Variants in GLTPD2 observed in about 807,000 individuals in gnomAD.
GLTPD2 encodes glycolipid transfer protein domain-containing protein 2.
GLTPD2 carries 12 observed loss-of-function variants against 12.9 expected under a neutral mutation model. The ratio of observed to expected loss-of-function variants is 0.93; its 90% CI spans 0.59 to 1.50. GLTPD2 has a LOEUF of 1.50. Ranked by LOEUF, GLTPD2 falls within the 40% of genes most tolerant of loss-of-function variation. The pLI, the probability that GLTPD2 is intolerant of heterozygous loss-of-function variation, is 0.00. For synonymous variants in GLTPD2, 199 were observed against 205.6 expected, an observed-to-expected ratio of 0.97 and a Z score of 0.27; for missense variants, 450 against 426.2, an observed-to-expected ratio of 1.06 and a Z score of -0.49.
rs779804917 is a variant in GLTPD2, at chr17:4,790,199, C to A, written c.779C>A (p.Ala260Glu). 6.8e-7 allele frequency: 1 copy of A among 1,479,746 alleles called. No individual in the cohort carries two copies. The highest frequency in any genetic ancestry group is 1.3e-5 in the South Asian group (1 of 78,254). 91.7% of individuals were successfully genotyped at this position (1,479,746 alleles called of 1,614,324 possible). A position where few individuals can be genotyped will look rare whatever the true frequency, so the allele number is the denominator to read the frequency against. Residue 260 changes from alanine to glutamate, a missense_variant, in exon 4 of 4, where the codon GCG (alanine) becomes GAG (glutamate). By Grantham distance (107) the Ala-to-Glu change is moderately radical. Transcript: ENST00000331264. ...LACPGATEAEARAALVRAAGT... is the reference protein window; with the variant it reads ...LACPGATEAEERAALVRAAGT... ...TGTCCCGGAGCCACCGAGGCGGAGG[C>A]GCGGGCCGCGCTGGTCCGGGCCGCC...
rs1482839194 is a variant in GLTPD2 at position 4,790,314 on chromosome 17, C to A, written c.*18C>A. 4 of 1,447,594 alleles carry A rather than the reference C, an allele frequency of 2.8e-6. No homozygotes were observed. Among genetic ancestry groups the A allele is most frequent in the Non-Finnish European group, 3.6e-6 (4 of 1,108,344 alleles). The allele number at this position is 1,447,594 out of a possible 1,614,324, so 89.7% of individuals were successfully genotyped here. On this transcript the variant is annotated 3_prime_UTR_variant, in exon 4 of 4. Transcript: ENST00000331264. ...TGGCCTAAGACGGCGGCTGCGGGGA[C>A]CGGCGGGAACGGAGCGGACCGCCCG...
chr17:4,790,211 T>A lies in GLTPD2; in HGVS notation c.791T>A (p.Leu264Gln). 1.3e-6 allele frequency: 2 copies of A among 1,482,868 alleles called. No homozygotes were observed. The highest frequency in any genetic ancestry group is 1.3e-5 in the South Asian group (1 of 78,710). 91.9% of individuals were successfully genotyped at this position (1,482,868 alleles called of 1,614,324 possible). A position where few individuals can be genotyped will look rare whatever the true frequency, so the allele number is the denominator to read the frequency against. Residue 264 changes from leucine to glutamine, a missense_variant, in exon 4 of 4, where the codon CTG becomes CAG. Leu to Gln is a moderately radical substitution (Grantham distance 113). Coordinates refer to ENST00000331264, the MANE Select transcript of GLTPD2 (RefSeq NM_001014985.3). Reference sequence around the variant, plus strand: ...ACCGAGGCGGAGGCGCGGGCCGCGCTGGTCCGGGCCGCCGGCACCTTGGAG... The same window carrying A: ...ACCGAGGCGGAGGCGCGGGCCGCGCAGGTCCGGGCCGCCGGCACCTTGGAG... Reference protein sequence around the residue: ...GATEAEARAALVRAAGTLEDV... With the variant: ...GATEAEARAAQVRAAGTLEDV...
Position 4,790,328 on chromosome 17 carries a change from GCGGA to G in GLTPD2, c.*34_*37del. 2 of 1,424,386 alleles carry G rather than the reference GCGGA, an allele frequency of 1.4e-6. No individual in the cohort carries two copies. The highest frequency in any genetic ancestry group is 1.8e-6 in the Non-Finnish European group (2 of 1,097,478). 88.2% of individuals were successfully genotyped at this position (1,424,386 alleles called of 1,614,324 possible). A position where few individuals can be genotyped will look rare whatever the true frequency, so the allele number is the denominator to read the frequency against. The stretch of plus-strand genomic sequence containing the variant: ...GGCTGCGGGGACCGGCGGGAACGGA[GCGGA>G]CCGCCCGGGGTGGGGCCGCGCAGCC... On this transcript the variant is annotated 3_prime_UTR_variant, in exon 4 of 4. Transcript: ENST00000331264.
rs777488983 is a variant in GLTPD2 at position 4,789,082 on chromosome 17, C to T, written c.71C>T (p.Ala24Val). ...FSHSIPLAIF[A>V]LLLLYLSVRS... ...CACTCAATTCCTCTCGCTATCTTCG[C>T]GCTGCTGCTGCTTTATCTCAGTGTT... The change falls in exon 1 of 4, where the codon GCG becomes GTG. Residue 24 changes from alanine (A) to valine (V), a missense_variant. Ala to Val is a moderately conservative substitution (Grantham distance 64). Transcript: ENST00000331264. 3 of 1,613,896 alleles carry T rather than the reference C, an allele frequency of 1.9e-6. No individual in the cohort carries two copies. The highest frequency in any genetic ancestry group is 1.7e-5 in the Admixed American group (1 of 60,002).
chr17:4,789,424 A>G, intron 2 of GLTPD2, 87 bp from the exon 3 acceptor site: 3 of 1,526,898 alleles, frequency 2.0e-6, no homozygotes, highest in South Asian at 1.2e-5. Flanking sequence ...CTGAGCGCAC[A>G]GCAGAAGAGC....
Position 4,789,814 on chromosome 17 carries a change from A to G in GLTPD2, c.394A>G (p.Lys132Glu). 6.2e-7 allele frequency: 1 copy of G among 1,611,762 alleles called. No individual in the cohort carries two copies. Among genetic ancestry groups the G allele is most frequent in the Admixed American group, 1.7e-5 (1 of 59,696 alleles). ...FAFATREAFT[K>E]VTDLEARVHG... is the part of the protein sequence containing the mutation. ...CTTCGCCACTAGGGAGGCCTTCACC[A>G]AGGTGACAGACCTGGAGGCTCGGGT... The change falls in exon 4 of 4, where the codon AAG (lysine) becomes GAG (glutamate). Residue 132 changes from lysine (K) to glutamate (E), a missense_variant. Physicochemically the swap from Lys to Glu is moderately conservative, Grantham distance 56 (BLOSUM62 1). Transcript: ENST00000331264.
rs770520689 is a variant in GLTPD2 at position 4,790,012 on chromosome 17, C to T, written c.592C>T (p.His198Tyr). The T allele has an allele frequency of 8.9e-6, 13 of 1,461,640 alleles. No homozygotes were observed. The highest frequency in any genetic ancestry group is 1.5e-5 in the African/African-American group (1 of 67,340). 90.5% of individuals were successfully genotyped at this position (1,461,640 alleles called of 1,614,324 possible). Residue 198 changes from histidine (H) to tyrosine (Y), a missense_variant, in exon 4 of 4, where the codon CAC becomes TAC. Coordinates refer to ENST00000331264, the MANE Select transcript of GLTPD2 (RefSeq NM_001014985.3). ...RALRWSQLCL[H>Y]RVATGALGGP... ...GCTGCGCTGGTCCCAGCTCTGCCTC[C>T]ACCGGGTGGCGACCGGCGCGCTGGG...
Position 4,789,272 on chromosome 17 carries a change from G to A in GLTPD2, c.153G>A (p.Gly51=). ...CCAGGGCGCAGCCCTGCGTTCCAGG[G>A]GAAACGGCGCCCTTCCAGGTACGCT... The part of the protein sequence containing the change: ...CGPRAQPCVP[G]ETAPFQVRQE... Residue 51 remains glycine (G), a synonymous_variant, in exon 2 of 4, where the codon GGG becomes GGA. Transcript: ENST00000331264. 1.3e-6 allele frequency: 2 copies of A among 1,592,298 alleles called. No homozygotes were observed. The highest frequency in any genetic ancestry group is 1.7e-6 in the Non-Finnish European group (2 of 1,168,856).
At chr17:4,789,721 G>C (rs1275724494) in intron 3 of GLTPD2, 38 bp from the exon 4 acceptor site, 7 of 1,612,560 alleles carry the variant, frequency 4.3e-6, no homozygotes, top group Non-Finnish European at 5.9e-6. Flanking sequence ...CCTCCTTGGC[G>C]GCTCCATCTC....
rs1398724050 is a variant in GLTPD2, at chr17:4,790,196, A to G, written c.776A>G (p.Glu259Gly). 2.0e-6 allele frequency: 3 copies of G among 1,479,362 alleles called. No individual in the cohort carries two copies. Among genetic ancestry groups the G allele is most frequent in the African/African-American group, 2.9e-5 (2 of 68,316 alleles). 91.6% of individuals were successfully genotyped at this position (1,479,362 alleles called of 1,614,324 possible). A position where few individuals can be genotyped will look rare whatever the true frequency, so the allele number is the denominator to read the frequency against. The part of the protein sequence containing the change: ...ELACPGATEA[E>G]ARAALVRAAG... ...GCGTGTCCCGGAGCCACCGAGGCGG[A>G]GGCGCGGGCCGCGCTGGTCCGGGCC... is the stretch of plus-strand genomic sequence containing the variant. The change falls in exon 4 of 4, where the codon GAG becomes GGG. Residue 259 changes from glutamate (E) to glycine (G), a missense_variant. Glu to Gly is a moderately conservative substitution (Grantham distance 98). Coordinates refer to ENST00000331264, the MANE Select transcript of GLTPD2 (RefSeq NM_001014985.3).
Position 4,790,105 on chromosome 17 carries a change from C to G in GLTPD2, c.685C>G (p.Leu229Val). Residue 229 changes from leucine to valine, a missense_variant, in exon 4 of 4, where the codon CTG becomes GTG. Transcript: ENST00000331264. ...GGCCCTGGGTCCGCATCACCCCTGGCTGGTCCGACAGACCGCCCGCCTCGC... is the reference window on the plus strand; with the variant it reads ...GGCCCTGGGTCCGCATCACCCCTGGGTGGTCCGACAGACCGCCCGCCTCGC... ...RAALGPHHPW[L>V]VRQTARLAFL... 7.0e-7 allele frequency: 1 copy of G among 1,434,090 alleles called. No homozygotes were observed. Among genetic ancestry groups the G allele is most frequent in the Non-Finnish European group, 9.1e-7 (1 of 1,104,468 alleles). The allele number at this position is 1,434,090 out of a possible 1,614,324, so 88.8% of individuals were successfully genotyped here. A position where few individuals can be genotyped will look rare whatever the true frequency, so the allele number is the denominator to read the frequency against.
chr17:4,790,311 G>A lies in GLTPD2; in HGVS notation c.*15G>A. 1 of 1,453,624 alleles carries A rather than the reference G, an allele frequency of 6.9e-7. No individual in the cohort carries two copies. The highest frequency in any genetic ancestry group is 9.0e-7 in the Non-Finnish European group (1 of 1,110,940). 90.0% of individuals were successfully genotyped at this position (1,453,624 alleles called of 1,614,324 possible). ...AGCTGGCCTAAGACGGCGGCTGCGG[G>A]GACCGGCGGGAACGGAGCGGACCGC... On this transcript the variant is annotated 3_prime_UTR_variant, in exon 4 of 4. Coordinates refer to ENST00000331264, the MANE Select transcript of GLTPD2 (RefSeq NM_001014985.3).
In GLTPD2 at chr17:4,789,549, G is replaced by A. The variant is rs368844489; in HGVS notation, c.210G>A (p.Arg70=). Residue 70 remains arginine (R), a synonymous_variant, in exon 3 of 4, where the codon AGG becomes AGA. Transcript: ENST00000331264. ...QESGTLEAPE[R]KQPPCLGPRG... ...CGGGAACCCTGGAGGCCCCGGAGAG[G>A]AAACAGCCTCCGTGTCTGGGCCCTC... The A allele has an allele frequency of 1.1e-4, 185 of 1,614,034 alleles. No individual in the cohort carries two copies. The Middle Eastern group carries it at 1.3e-3, about 12-fold the overall frequency.
chr17:4,789,867 G>C lies in GLTPD2; in HGVS notation c.447G>C (p.Trp149Cys). 6 of 1,591,560 alleles carry C rather than the reference G, an allele frequency of 3.8e-6. No individual in the cohort carries two copies. The highest frequency in any genetic ancestry group is 3.3e-4 in the Middle Eastern group (2 of 5,982). The change falls in exon 4 of 4, where the codon TGG (tryptophan) becomes TGC (cysteine). Residue 149 changes from tryptophan (W) to cysteine (C), a missense_variant. Trp to Cys is a radical substitution (Grantham distance 215). Transcript: ENST00000331264. ...RVHGPDAEHYWSLVAMAAWER... is the reference protein window; with the variant it reads ...RVHGPDAEHYCSLVAMAAWER... ...ACGGCCCGGACGCGGAGCACTACTG[G>C]TCGCTGGTGGCCATGGCGGCGTGGG...
At position 4,789,585 on chromosome 17, in the gene GLTPD2, G is replaced by A. The variant is rs750756871; in HGVS notation, c.246G>A (p.Leu82=). ...QPPCLGPRGM[L]GRMMRRFHAS... is the part of the protein sequence containing the mutation. The stretch of plus-strand genomic sequence containing the variant: ...CGTGTCTGGGCCCTCGGGGGATGCT[G>A]GGCCGCATGATGAGGCGGTTCCACG... The change falls in exon 3 of 4, where the codon CTG becomes CTA. Residue 82 remains leucine (L), a synonymous_variant. Coordinates refer to ENST00000331264, the MANE Select transcript of GLTPD2 (RefSeq NM_001014985.3). The A allele has an allele frequency of 2.5e-6, 4 of 1,613,954 alleles. No individual in the cohort carries two copies. The highest frequency in any genetic ancestry group is 1.6e-4 in the Middle Eastern group (1 of 6,082).
At chr17:4,789,175 G>A (rs564422732) in intron 1 of GLTPD2, 51 bp from the exon 2 acceptor site, 5 of 1,604,616 alleles carry the variant, frequency 3.1e-6, no homozygotes, top group South Asian at 1.1e-5. Flanking sequence ...AGGCCCTCAC[G>A]ACTCAAGCCT....
chr17:4,789,624 C>T lies in GLTPD2; in HGVS notation c.285C>T (p.Pro95=). Residue 95 remains proline (P), a synonymous_variant, in exon 3 of 4, where the codon CCC becomes CCT. Coordinates refer to ENST00000331264, the MANE Select transcript of GLTPD2 (RefSeq NM_001014985.3). The part of the protein sequence containing the change: ...MMRRFHASLK[P]EGDVGLSPYL... ...GGCGGTTCCACGCCAGTCTGAAACC[C>T]GAAGGGGATGTGGGGCTGTCGCCGT... 3 of 1,613,930 alleles carry T rather than the reference C, an allele frequency of 1.9e-6. No homozygotes were observed. The highest frequency in any genetic ancestry group is 2.2e-5 in the South Asian group (2 of 91,078).
rs748456454 is a variant in GLTPD2, at chr17:4,790,205, C to T, written c.785C>T (p.Ala262Val). The change falls in exon 4 of 4, where the codon GCC (alanine) becomes GTC (valine). Residue 262 changes from alanine to valine, a missense_variant. Ala to Val is a moderately conservative substitution (Grantham distance 64, BLOSUM62 0). Coordinates refer to ENST00000331264, the MANE Select transcript of GLTPD2 (RefSeq NM_001014985.3). The stretch of plus-strand genomic sequence containing the variant: ...GGAGCCACCGAGGCGGAGGCGCGGG[C>T]CGCGCTGGTCCGGGCCGCCGGCACC... ...CPGATEAEAR[A>V]ALVRAAGTLE... 5.4e-6 allele frequency: 8 copies of T among 1,480,248 alleles called. No individual in the cohort carries two copies. The South Asian group carries it at 1.0e-4, about 19-fold the overall frequency. 91.7% of individuals were successfully genotyped at this position (1,480,248 alleles called of 1,614,324 possible).
Position 4,790,270 on chromosome 17 carries a change from G to A in GLTPD2, c.850G>A (p.Glu284Lys). Residue 284 changes from glutamate to lysine, a missense_variant, in exon 4 of 4, where the codon GAG becomes AAG. Glu to Lys is a moderately conservative substitution (Grantham distance 56). Coordinates refer to ENST00000331264, the MANE Select transcript of GLTPD2 (RefSeq NM_001014985.3). The part of the protein sequence containing the change: ...VYNRTQSLLA[E>K]RGLLQLA ...CAACCGCACCCAGAGCCTGCTGGCCGAGCGCGGCCTGCTCCAGCTGGCCTA... is the reference window on the plus strand; with the variant it reads ...CAACCGCACCCAGAGCCTGCTGGCCAAGCGCGGCCTGCTCCAGCTGGCCTA... 4 of 1,480,080 alleles carry A rather than the reference G, an allele frequency of 2.7e-6. No individual in the cohort carries two copies. The highest frequency in any genetic ancestry group is 3.0e-5 in the East Asian group (1 of 33,566). The allele number at this position is 1,480,080 out of a possible 1,614,324, so 91.7% of individuals were successfully genotyped here.
Sources: gnomAD v4.1 joint callset for allele counts on GRCh38, gnomAD v4.1.1 for gene constraint, MANE v1.5 for transcripts, NCBI Gene and HGNC (gene_info 2026-07-23, HGNC 2026-07-21) for gene names.